Variants in MCC observed in about 807,000 individuals in gnomAD.
MCC encodes MCC regulator of Wnt signaling pathway.
A neutral mutation model predicts 116.2 loss-of-function variants in MCC; 90 were observed. That is an observed-to-expected ratio of 0.77 (90% CI 0.65 to 0.92). The LOEUF (loss-of-function observed/expected upper bound fraction) is 0.92, where lower values mean the gene tolerates loss of function less well. Among genes scored for constraint, MCC ranks in the 40% least tolerant of loss-of-function variants. The pLI, the probability that MCC is intolerant of heterozygous loss-of-function variation, is 0.00. For missense variants in MCC, 1,516 were observed against 1,312.2 expected (o/e 1.16, Z -2.40); for synonymous variants, 578 against 510.5 (o/e 1.13, Z -1.78).
Position 113,488,400 on chromosome 5 carries a change from C to T in MCC, c.15G>A (p.Ala5=), listed in dbSNP as rs770285907. ...TGGAGCTCCCCGCAGCCGCTGCCGCCGCGGCCGCCATCATGCGCCCGCTCC... is the reference window on the plus strand; with the variant it reads ...TGGAGCTCCCCGCAGCCGCTGCCGCTGCGGCCGCCATCATGCGCCCGCTCC... The part of the protein sequence containing the change: MMAA[A]AAAAAGSSSS... The change falls in exon 1 of 19, where the codon GCG becomes GCA. Residue 5 remains alanine, a synonymous_variant. Coordinates refer to ENST00000408903, the MANE Select transcript of MCC (RefSeq NM_001085377.2). 1.4e-6 allele frequency: 2 copies of T among 1,397,994 alleles called. No individual in the cohort carries two copies. Among genetic ancestry groups the T allele is most frequent in the South Asian group, 1.8e-5 (1 of 56,456 alleles). 86.6% of individuals were successfully genotyped at this position (1,397,994 alleles called of 1,614,324 possible). A position where few individuals can be genotyped will look rare whatever the true frequency, so the allele number is the denominator to read the frequency against.
At chr5:113,136,315 T>G (rs1041770373) in intron 5 of MCC, among the ~76,000 whole-genome samples, 2 of 152,176 alleles carry the variant, frequency 1.3e-5, no homozygotes, top group Non-Finnish European at 2.9e-5. Flanking sequence ...CTTTTAGACC[T>G]AGTGATGTAA....
intron 17 of MCC, among the ~76,000 whole-genome samples, chr5:113,031,251 C>A (rs1014526005): frequency 2.6e-5 from 4 of 152,158 alleles, no homozygotes; most frequent in Non-Finnish European, 5.9e-5. Context: ...TCCTCCTACC[C>A]GCCTCTGCTA....
At chr5:113,133,365 C>T (rs1308338561) in intron 5 of MCC, among the ~76,000 whole-genome samples, 1 of 152,164 alleles carries the variant, frequency 6.6e-6, no homozygotes, top group Non-Finnish European at 1.5e-5. Context: ...CCTTAGCTCC[C>T]ACATGAGTAA....
At chr5:113,084,399 T>A (rs1581021054) in intron 9 of MCC, among the ~76,000 whole-genome samples, 1 of 152,374 alleles carries the variant, frequency 6.6e-6, no homozygotes, top group East Asian at 1.9e-4. Context: ...GGATAATTCT[T>A]TTTATGGGGG....
At chr5:113,264,333 G>A (rs1042050743) in intron 3 of MCC, among the ~76,000 whole-genome samples, 3 of 152,156 alleles carry the variant, frequency 2.0e-5, no homozygotes, top group African/African-American at 7.2e-5. Flanking sequence ...GAGGGCCTTA[G>A]TCACGGGTCA....
chr5:113,100,885 T>C (rs572341330), intron 8 of MCC, among the ~76,000 whole-genome samples: 1 of 152,306 alleles, frequency 6.6e-6, no homozygotes, highest in South Asian at 2.1e-4. Context: ...CAAGTAAGTC[T>C]AGTAATTCAA....
At chr5:113,392,615 A>G (rs928740045) in intron 1 of MCC, among the ~76,000 whole-genome samples, 2 of 152,232 alleles carry the variant, frequency 1.3e-5, no homozygotes, top group Non-Finnish European at 1.5e-5. Flanking sequence ...AGACATGAAC[A>G]ATATCTGTAA....
In MCC at chr5:113,167,410, C is replaced by A. The variant is rs549468537; in HGVS notation, c.628-15988G>T. The stretch of plus-strand genomic sequence containing the variant: ...CACACCTGCAGGGCTGAGGGCTACC[C>A]GGAAAAGTGACTTAAATAGAACTGG... On this transcript the variant is annotated intron_variant, in intron 3 of 18. Coordinates refer to ENST00000408903, the MANE Select transcript of MCC (RefSeq NM_001085377.2). Among the ~76,000 whole-genome samples the A allele has an allele frequency of 2.6e-5, 4 of 152,034 alleles. No individual in the cohort carries two copies. The East Asian group carries it at 7.7e-4, about 29-fold the overall frequency.
In MCC at chr5:113,234,644, A is replaced by C. The variant is rs892812515; in HGVS notation, c.628-83222T>G. Reference sequence around the variant, plus strand: ...CTTTAAAAATACAGAAAAACAGAGAATATCTGTTGAGTGCAGATATTATAT... The same window carrying C: ...CTTTAAAAATACAGAAAAACAGAGACTATCTGTTGAGTGCAGATATTATAT... On this transcript the variant is annotated intron_variant, in intron 3 of 18. Transcript: ENST00000408903. 8 of 152,342 alleles carry C rather than the reference A, an allele frequency of 5.3e-5. No homozygotes were observed. In the South Asian group the frequency reaches 1.7e-3, roughly 32 times the overall value. The allele number at this position is 152,342 out of a possible 1,614,324, so 9.4% of individuals were successfully genotyped here. A position where few individuals can be genotyped will look rare whatever the true frequency, so the allele number is the denominator to read the frequency against.
At chr5:113,071,850 A>T (rs1754065052) in intron 11 of MCC, among the ~76,000 whole-genome samples, 1 of 152,146 alleles carries the variant, frequency 6.6e-6, no homozygotes, top group Non-Finnish European at 1.5e-5. Context: ...TGAACAGGAA[A>T]CTTCCCCTGG....
chr5:113,299,275 A>G, intron 3 of MCC, among the ~76,000 whole-genome samples: 1 of 113,882 alleles, frequency 8.8e-6, no homozygotes, highest in African/African-American at 3.7e-5. Flanking sequence ...CCTGGGCAAC[A>G]GAGTGAGACT....
At chr5:113,201,867 A>G (rs1056479531) in intron 3 of MCC, among the ~76,000 whole-genome samples, 2 of 152,154 alleles carry the variant, frequency 1.3e-5, no homozygotes, top group Non-Finnish European at 2.9e-5. Context: ...GGGAGCCAGG[A>G]ATGAAGTGGT....
chr5:113,040,832 T>C (rs1340650127), intron 17 of MCC, among the ~76,000 whole-genome samples: 1 of 152,228 alleles, frequency 6.6e-6, no homozygotes, highest in Non-Finnish European at 1.5e-5. Context: ...TGGAAATCCA[T>C]TGTGACTGAC....
intron 8 of MCC, among the ~76,000 whole-genome samples, chr5:113,099,230 A>C (rs182908769): frequency 4.6e-5 from 7 of 152,368 alleles, no homozygotes; most frequent in African/African-American, 1.7e-4. Flanking sequence ...CATTATTTGA[A>C]GGTAACTGAA....
chr5:113,089,484 G>A (rs551241494), intron 8 of MCC, among the ~76,000 whole-genome samples: 1 of 152,360 alleles, frequency 6.6e-6, no homozygotes, highest in East Asian at 1.9e-4. Context: ...GAGCTCTACT[G>A]ATGGTTCAGA....
intron 1 of MCC, among the ~76,000 whole-genome samples, chr5:113,404,094 T>A (rs923069629): frequency 2.6e-5 from 4 of 152,118 alleles, no homozygotes; most frequent in Admixed American, 6.6e-5. Context: ...CTTGAACTCC[T>A]GACCTCAGGT....
chr5:113,402,151 C>A (rs1456374001), intron 1 of MCC, among the ~76,000 whole-genome samples: 1 of 151,912 alleles, frequency 6.6e-6, no homozygotes. Flanking sequence ...AAAATTAGCC[C>A]GACGTAGTGG....
At chr5:113,250,633 T>C (rs574210179) in intron 3 of MCC, among the ~76,000 whole-genome samples, 117 of 152,290 alleles carry the variant, frequency 7.7e-4, no homozygotes, top group African/African-American at 2.7e-3. Flanking sequence ...CACAAAATTA[T>C]GTCACACGCT....
chr5:113,456,304 C>A (rs918635827), intron 1 of MCC, among the ~76,000 whole-genome samples: 1 of 152,162 alleles, frequency 6.6e-6, no homozygotes, highest in African/African-American at 2.4e-5. Context: ...GAAATTAAAT[C>A]CTTTTATATG....
Sources: allele counts gnomAD v4.1 joint callset (sites outside exome capture counted in the v4.1 genomes callset), GRCh38; gene constraint gnomAD v4.1.1; transcripts MANE v1.5; gene names NCBI Gene and HGNC (gene_info 2026-07-23, HGNC 2026-07-21).